RBFOX1: variants seen among roughly 807,000 people sequenced by gnomAD.
RBFOX1 encodes the protein RNA binding protein fox-1 homolog 1.
A neutral mutation model predicts 57.7 loss-of-function variants in RBFOX1; 8 were observed. The ratio of observed to expected loss-of-function variants is 0.14; its 90% CI spans 0.08 to 0.25. The LOEUF is 0.25. Among genes scored for constraint, RBFOX1 ranks in the 10% least tolerant of loss-of-function variants. The pLI is 1.00. For missense variants in RBFOX1, 611 were observed against 548.5 expected, an observed-to-expected ratio of 1.11 and a Z score of -1.14; for synonymous variants, 326 against 222.4, an observed-to-expected ratio of 1.47 and a Z score of -4.15.
At chr16:5,341,830 T>C (rs1321513414) in intron 1 of RBFOX1, among the ~76,000 whole-genome samples, 3 of 152,108 alleles carry the variant, frequency 2.0e-5, no homozygotes, top group Non-Finnish European at 1.5e-5. Flanking sequence ...CTTCGGACCA[T>C]GTTAAGTTTG....
chr16:6,036,088 G>T lies in RBFOX1; in HGVS notation c.-127+16096G>T, dbSNP rs118186709. ...CAAAAATCAGTCCCCTCCCTTCAAA[G>T]CCTGGTGGAGGCAGCCACCTGAGGG... On this transcript the variant is annotated intron_variant, in intron 1 of 15. Coordinates refer to ENST00000550418, the MANE Select transcript of RBFOX1 (RefSeq NM_018723.4). Among the ~76,000 whole-genome samples, 1,165 of 152,214 alleles carry T rather than the reference G, an allele frequency of 7.7e-3. 8 individuals are homozygous for T. Among genetic ancestry groups the T allele is most frequent in the Middle Eastern group, 0.044 (13 of 294 alleles).
chr16:7,671,134 G>A lies in RBFOX1; in HGVS notation c.931-5640G>A, dbSNP rs541817678. On this transcript the variant is annotated intron_variant, in intron 13 of 15. Coordinates refer to ENST00000550418, the MANE Select transcript of RBFOX1 (RefSeq NM_018723.4). ...TTTATGCAGTTATGGTTGCTACTGT[G>A]CTGTTTTCTTAACTACTTCAATAAT... 6.2e-4 allele frequency among the ~76,000 whole-genome samples: 94 copies of A among 152,256 alleles called. 1 individual carries two copies. Among genetic ancestry groups the A allele is most frequent in the Non-Finnish European group, 1.8e-4 (12 of 67,998 alleles).
At chr16:5,638,769 C>T (rs1298537675) in intron 3 of RBFOX1, among the ~76,000 whole-genome samples, 2 of 152,138 alleles carry the variant, frequency 1.3e-5, no homozygotes, top group African/African-American at 4.8e-5. Context: ...TGTACTGGTT[C>T]AGAGACATCT....
intron 1 of RBFOX1, among the ~76,000 whole-genome samples, chr16:6,206,251 C>T (rs772551381): frequency 1.7e-4 from 26 of 152,054 alleles, no homozygotes; most frequent in Non-Finnish European, 3.4e-4. Context: ...TTTCCCGCTG[C>T]CAGGACGTTG....
chr16:6,863,929 G>A (rs180856455), intron 3 of RBFOX1, among the ~76,000 whole-genome samples: 12 of 150,106 alleles, frequency 8.0e-5, no homozygotes, highest in Non-Finnish European at 1.5e-4. Context: ...TTCACACTTT[G>A]TGCTCCCTCC....
chr16:7,680,948 T>A (rs2074576613), intron 14 of RBFOX1, among the ~76,000 whole-genome samples: 1 of 152,074 alleles, frequency 6.6e-6, no homozygotes, highest in African/African-American at 2.4e-5. Flanking sequence ...CACAAGGGAC[T>A]TATAAGTGTT....
chr16:7,079,641 G>A (rs535201220), intron 4 of RBFOX1, among the ~76,000 whole-genome samples: 2 of 152,200 alleles, frequency 1.3e-5, no homozygotes, highest in East Asian at 3.9e-4. Context: ...CGTTATGATG[G>A]AGAGACAGCC....
In RBFOX1 at chr16:6,794,670, C is replaced by G. The variant is rs186368418; in HGVS notation, c.-16+140020C>G. Among the ~76,000 whole-genome samples the G allele has an allele frequency of 2.4e-3, 362 of 152,274 alleles. 1 individual carries two copies. Among genetic ancestry groups the G allele is most frequent in the African/African-American group, 8.0e-3 (333 of 41,548 alleles). ...AGAAACCAAACCCTTCCCCCCATCA[C>G]TTATGGTTCCAATGTATGCATCCCA... is the stretch of plus-strand genomic sequence containing the variant. On this transcript the variant is annotated intron_variant, in intron 3 of 15. Coordinates refer to ENST00000550418, the MANE Select transcript of RBFOX1 (RefSeq NM_018723.4).
intron 10 of RBFOX1, among the ~76,000 whole-genome samples, chr16:7,612,086 C>A (rs1475525843): frequency 6.6e-6 from 1 of 152,034 alleles, no homozygotes; most frequent in Non-Finnish European, 1.5e-5. Flanking sequence ...CTTTGGGAGG[C>A]CGAGGCAGGT....
At chr16:5,474,656 A>G (rs1440690578) in intron 2 of RBFOX1, among the ~76,000 whole-genome samples, 1 of 146,714 alleles carries the variant, frequency 6.8e-6, no homozygotes, top group East Asian at 2.0e-4. Flanking sequence ...CTTCGTCTCA[A>G]AAAAAAAAAA....
At chr16:5,794,500 A>G (rs540522624) in intron 3 of RBFOX1, among the ~76,000 whole-genome samples, 4 of 151,884 alleles carry the variant, frequency 2.6e-5, no homozygotes, top group East Asian at 1.9e-4. Context: ...GTGAAACTCA[A>G]TGCCAGCGTG....
chr16:7,263,962 C>T (rs564786827), intron 4 of RBFOX1, among the ~76,000 whole-genome samples: 1 of 149,106 alleles, frequency 6.7e-6, no homozygotes, highest in African/African-American at 2.5e-5. Context: ...AGTGATACAA[C>T]TGAAAGGAGA....
At chr16:6,488,145 T>G (rs1413437671) in intron 2 of RBFOX1, among the ~76,000 whole-genome samples, 1 of 152,170 alleles carries the variant, frequency 6.6e-6, no homozygotes, top group Non-Finnish European at 1.5e-5. Context: ...GGGCTGTATA[T>G]GAGGAAGGCC....
At chr16:7,488,996 G>A (rs1004206727) in intron 4 of RBFOX1, among the ~76,000 whole-genome samples, 13 of 151,934 alleles carry the variant, frequency 8.6e-5, no homozygotes. Flanking sequence ...TCTCTCTATT[G>A]CTCTGTCATT....
At chr16:6,741,021 C>T (rs954184103) in intron 3 of RBFOX1, among the ~76,000 whole-genome samples, 1 of 152,122 alleles carries the variant, frequency 6.6e-6, no homozygotes, top group Non-Finnish European at 1.5e-5. Flanking sequence ...TAGATGTAGA[C>T]ACCTAAATCA....
chr16:7,146,724 A>G (rs891281583), intron 4 of RBFOX1, among the ~76,000 whole-genome samples: 1 of 151,846 alleles, frequency 6.6e-6, no homozygotes, highest in Non-Finnish European at 1.5e-5. Context: ...TGAGGCAGAC[A>G]GATCACTTGA....
At chr16:7,452,337 A>G (rs1165274735) in intron 4 of RBFOX1, among the ~76,000 whole-genome samples, 1 of 152,228 alleles carries the variant, frequency 6.6e-6, no homozygotes, top group African/African-American at 2.4e-5. Flanking sequence ...GTTAGCGTGT[A>G]GGTGATGTGC....
intron 3 of RBFOX1, among the ~76,000 whole-genome samples, chr16:5,861,643 A>G (rs1054596417): frequency 2.0e-5 from 3 of 151,638 alleles, no homozygotes; most frequent in African/African-American, 7.3e-5. Flanking sequence ...CACCCATAGG[A>G]CTCCCCCTAA....
chr16:6,775,354 T>C (rs1391929560), intron 3 of RBFOX1, among the ~76,000 whole-genome samples: 4 of 109,996 alleles, frequency 3.6e-5, no homozygotes, highest in Non-Finnish European at 7.8e-5. Flanking sequence ...AAAAAAAAAG[T>C]AGACAAAAAG....
Sources: gnomAD v4.1 joint callset for allele counts (sites outside exome capture counted in the v4.1 genomes callset) on GRCh38, gnomAD v4.1.1 for gene constraint, MANE v1.5 for transcripts, NCBI Gene and HGNC (gene_info 2026-07-23, HGNC 2026-07-21) for gene names.